Variants in KCNT2 observed in about 807,000 individuals in gnomAD.
The protein encoded by KCNT2 is potassium channel subfamily T member 2.
In KCNT2, 67 loss-of-function variants were observed where a neutral mutation model predicts 153.8. The ratio of observed to expected loss-of-function variants is 0.44; its 90% CI spans 0.36 to 0.53. KCNT2 has a LOEUF of 0.53. Among genes scored for constraint, KCNT2 ranks in the 20% least tolerant of loss-of-function variants. KCNT2 has a pLI of 0.00. For missense variants in KCNT2, 975 were observed against 1,354.8 expected, an observed-to-expected ratio of 0.72 and a Z score of 4.40; for synonymous variants, 500 against 458.8, an observed-to-expected ratio of 1.09 and a Z score of -1.15.
At chr1:196,400,028 T>C (rs1409079842) in intron 12 of KCNT2, among the ~76,000 whole-genome samples, 3 of 151,812 alleles carry the variant, frequency 2.0e-5, no homozygotes, top group African/African-American at 4.8e-5. Context: ...CAAAACAAGA[T>C]AGTAACTTTA....
At chr1:196,235,853 T>A in intron 27 of KCNT2, 133 bp downstream of exon 27, 1 of 533,520 alleles carries the variant, frequency 1.9e-6, no homozygotes, top group Non-Finnish European at 3.3e-6. Context: ...TTTGTTTATT[T>A]ATAAAATTAG....
intron 8 of KCNT2, 122 bp from the exon 9 acceptor site, chr1:196,429,879 T>G: frequency 1.7e-6 from 1 of 599,178 alleles, no homozygotes; most frequent in South Asian, 2.8e-5. Flanking sequence ...TCTTATATTT[T>G]ACAATATATT....
intron 13 of KCNT2, among the ~76,000 whole-genome samples, chr1:196,375,604 A>C (rs951114712): frequency 4.6e-5 from 7 of 151,690 alleles, no homozygotes; most frequent in African/African-American, 1.4e-4. Context: ...TTAAAAAAAC[A>C]TGCTTTTTAT....
intron 1 of KCNT2, among the ~76,000 whole-genome samples, chr1:196,572,850 A>T (rs1429882005): frequency 6.6e-6 from 1 of 152,016 alleles, no homozygotes; most frequent in African/African-American, 2.4e-5. Flanking sequence ...TATAATTTCC[A>T]GTTGTTTCTT....
At chr1:196,251,268 C>T (rs186487062) in intron 26 of KCNT2, among the ~76,000 whole-genome samples, 8 of 152,066 alleles carry the variant, frequency 5.3e-5, no homozygotes, top group Non-Finnish European at 8.8e-5. Context: ...AGTAAAGACG[C>T]CTTTCTACTT....
intron 26 of KCNT2, among the ~76,000 whole-genome samples, chr1:196,253,262 C>T (rs1396570297): frequency 1.3e-5 from 2 of 151,320 alleles, no homozygotes; most frequent in Non-Finnish European, 3.0e-5. Flanking sequence ...CTCCTTCTCT[C>T]TATACTGTAT....
intron 1 of KCNT2, among the ~76,000 whole-genome samples, chr1:196,560,923 G>A (rs937745835): frequency 6.6e-6 from 1 of 151,918 alleles, no homozygotes; most frequent in Non-Finnish European, 1.5e-5. Context: ...TCACATTCCA[G>A]TTTAATACTT....
At position 196,516,442 on chromosome 1, in the gene KCNT2, C is replaced by A. The variant is rs567296107; in HGVS notation, c.96-24101G>T. Among the ~76,000 whole-genome samples the A allele has an allele frequency of 2.0e-5, 3 of 152,252 alleles. No individual in the cohort carries two copies. The South Asian group carries it at 6.2e-4, about 32-fold the overall frequency. On this transcript the variant is annotated intron_variant, in intron 1 of 27. Coordinates refer to ENST00000294725, the MANE Select transcript of KCNT2 (RefSeq NM_198503.5). The stretch of plus-strand genomic sequence containing the variant: ...AATCTCTCCATCAAGATCTACAACA[C>A]CCCTGCTGGTGTTTTCCAGCTGGCA...
chr1:196,264,183 T>C (rs1657296779), intron 25 of KCNT2, among the ~76,000 whole-genome samples: 1 of 152,170 alleles, frequency 6.6e-6, no homozygotes, highest in South Asian at 2.1e-4. Flanking sequence ...TCCTGTTTTA[T>C]AACACTGAAT....
At chr1:196,334,399 A>G (rs1282412995) in intron 16 of KCNT2, among the ~76,000 whole-genome samples, 1 of 148,518 alleles carries the variant, frequency 6.7e-6, no homozygotes, top group African/African-American at 2.5e-5. Context: ...TTTAAAATTT[A>G]TTCTTTTGTT....
At chr1:196,545,723 A>AC (rs1162224207) in intron 1 of KCNT2, among the ~76,000 whole-genome samples, 176 of 39,280 alleles carry the variant, frequency 4.5e-3, no homozygotes, top group Non-Finnish European at 7.0e-3. Flanking sequence ...CATCCCACCC[A>AC]CCCCCCCAGC....
intron 14 of KCNT2, among the ~76,000 whole-genome samples, chr1:196,360,262 C>T (rs1379784541): frequency 6.6e-6 from 1 of 151,950 alleles, no homozygotes; most frequent in Non-Finnish European, 1.5e-5. Context: ...CTCAGATCTC[C>T]AGCCTTGTAG....
chr1:196,495,113 A>T (rs138993365), intron 1 of KCNT2, among the ~76,000 whole-genome samples: 1 of 152,168 alleles, frequency 6.6e-6, no homozygotes, highest in African/African-American at 2.4e-5. Flanking sequence ...GAGTCAATAT[A>T]ATCATTGAGA....
Position 196,565,153 on chromosome 1 carries a change from A to T in KCNT2, c.95+43062T>A, listed in dbSNP as rs150844199. Among the ~76,000 whole-genome samples the T allele has an allele frequency of 5.4e-4, 82 of 151,940 alleles. 1 individual carries two copies. In the East Asian group the frequency reaches 0.014, roughly 27 times the overall value. ...AAAGCAATTTACAAATGGGTTTCTC[A>T]AAGAAAAACATATAAATGGCCAATA... On this transcript the variant is annotated intron_variant, in intron 1 of 27. Transcript: ENST00000294725.
chr1:196,546,050 G>C (rs1053788280), intron 1 of KCNT2, among the ~76,000 whole-genome samples: 2 of 151,850 alleles, frequency 1.3e-5, no homozygotes, highest in Non-Finnish European at 2.9e-5. Flanking sequence ...AGTATTCTGG[G>C]CCATATAGTA....
chr1:196,504,100 A>G (rs191999298), intron 1 of KCNT2, among the ~76,000 whole-genome samples: 27 of 152,288 alleles, frequency 1.8e-4, no homozygotes, highest in Non-Finnish European at 3.7e-4. Flanking sequence ...AATTATTATT[A>G]TACTTTAAGT....
chr1:196,491,245 G>T (rs1679837856), intron 2 of KCNT2, among the ~76,000 whole-genome samples: 1 of 152,060 alleles, frequency 6.6e-6, no homozygotes, highest in African/African-American at 2.4e-5. Flanking sequence ...TATTTATGGG[G>T]CTTCCTTGGA....
At chr1:196,468,946 T>C (rs1677844604) in intron 6 of KCNT2, 48 bp downstream of exon 6, 3 of 1,085,824 alleles carry the variant, frequency 2.8e-6, no homozygotes, top group African/African-American at 3.1e-5. Flanking sequence ...AATATTTTAC[T>C]TAAGTCTAAT....
chr1:196,433,728 G>A (rs1320005678), intron 8 of KCNT2, among the ~76,000 whole-genome samples: 1 of 151,998 alleles, frequency 6.6e-6, no homozygotes, highest in Non-Finnish European at 1.5e-5. Flanking sequence ...TTACTTTCCA[G>A]AAGTTCCTTT....
Sources: allele counts gnomAD v4.1 joint callset (sites outside exome capture counted in the v4.1 genomes callset), GRCh38; gene constraint gnomAD v4.1.1; transcripts MANE v1.5; gene names NCBI Gene and HGNC (gene_info 2026-07-23, HGNC 2026-07-21).